Variants in HTRA1 observed in about 807,000 individuals in gnomAD.
The protein encoded by HTRA1 is serine protease HTRA1.
A neutral mutation model predicts 49.7 loss-of-function variants in HTRA1; 26 were observed. That is an observed-to-expected ratio of 0.52 (90% CI 0.38 to 0.73). The LOEUF is 0.73. HTRA1 is among the 30% of genes least tolerant of loss of function. The pLI is 0.00. For synonymous variants in HTRA1, 291 were observed against 286.9 expected, an observed-to-expected ratio of 1.01 and a Z score of -0.14; for missense variants, 561 against 667.2, an observed-to-expected ratio of 0.84 and a Z score of 1.75.
chr10:122,481,353 C>T (rs1490566554), intron 1 of HTRA1, among the ~76,000 whole-genome samples: 2 of 152,158 alleles, frequency 1.3e-5, no homozygotes, highest in Non-Finnish European at 2.9e-5. Flanking sequence ...TTTCCCTTAG[C>T]CTCTTCCCCC....
intron 3 of HTRA1, among the ~76,000 whole-genome samples, chr10:122,504,160 A>G (rs1222026570): frequency 6.6e-6 from 1 of 152,190 alleles, no homozygotes; most frequent in African/African-American, 2.4e-5. Flanking sequence ...AGCAGCCTGC[A>G]GCCTCCATCC....
Position 122,488,956 on chromosome 10 carries a change from TGGA to T in HTRA1, c.529_531del (p.Glu177del), listed in dbSNP as rs2097494420. 6.2e-7 allele frequency: 1 copy of T among 1,614,144 alleles called. No individual in the cohort carries two copies. Among genetic ancestry groups the T allele is most frequent in the Non-Finnish European group, 8.5e-7 (1 of 1,179,994 alleles). ...AAATATAACTTTATCGCGGACGTGGTGGAGAAGATCGCCCCTGCCGTGGTTCAT... is the reference window on the plus strand; with the variant it reads ...AAATATAACTTTATCGCGGACGTGGTGAAGATCGCCCCTGCCGTGGTTCAT... On this transcript the variant is annotated inframe_deletion, in exon 2 of 9. Coordinates refer to ENST00000368984, the MANE Select transcript of HTRA1 (RefSeq NM_002775.5).
At chr10:122,511,882 G>A in intron 7 of HTRA1, 88 bp from the exon 8 acceptor site, 1 of 909,974 alleles carries the variant, frequency 1.1e-6, no homozygotes, top group East Asian at 2.4e-5. Flanking sequence ...GACCTAAGGA[G>A]AAGACGGGAA....
chr10:122,491,531 G>A (rs562988723), intron 3 of HTRA1, among the ~76,000 whole-genome samples: 4 of 152,360 alleles, frequency 2.6e-5, no homozygotes, highest in African/African-American at 4.8e-5. Context: ...TGGCCTGGAC[G>A]CCGCCCCCAC....
chr10:122,506,950 C>T lies in HTRA1; in HGVS notation c.972+65C>T, dbSNP rs2097503315. 9 of 1,413,102 alleles carry T rather than the reference C, an allele frequency of 6.4e-6. No homozygotes were observed. The South Asian group carries it at 9.3e-5, about 15-fold the overall frequency. The allele number at this position is 1,413,102 out of a possible 1,614,324, so 87.5% of individuals were successfully genotyped here. On this transcript the variant is annotated intron_variant, in intron 4 of 8. Coordinates refer to ENST00000368984, the MANE Select transcript of HTRA1 (RefSeq NM_002775.5). The surrounding 1 kb of genome is among the most constrained non-coding windows in gnomAD (Gnocchi z 5.2). The stretch of plus-strand genomic sequence containing the variant: ...GTTTTGCCAGGGGGAGAGGAGTCAG[C>T]ATAGGTCTTAGCCCCTGACTTTGTT...
rs1469142315 is a variant in HTRA1, at chr10:122,514,181, TGTGTTGCA to T, written c.1275-6_1276del. ...GAAACATTGCCATTGTGTTTCCCTT[TGTGTTGCA>T]GTGGTGGTCTCAAGGAAAACGACGT... On this transcript the variant is annotated splice_acceptor_variant and splice_polypyrimidine_tract_variant and intron_variant, in intron 8 of 8. Transcript: ENST00000368984. LOFTEE classifies it high-confidence loss of function. 1 of 1,613,278 alleles carries T rather than the reference TGTGTTGCA, an allele frequency of 6.2e-7. No individual in the cohort carries two copies. Among genetic ancestry groups the T allele is most frequent in the African/African-American group, 1.3e-5 (1 of 74,882 alleles).
rs1256955654 is a variant in HTRA1, at chr10:122,487,698, C to A, written c.473-1204C>A. On this transcript the variant is annotated intron_variant, in intron 1 of 8. Coordinates refer to ENST00000368984, the MANE Select transcript of HTRA1 (RefSeq NM_002775.5). This position sits in a 1 kb window ranked among gnomAD's most constrained non-coding sequence, Gnocchi z 4.8. ...ATGTTACAGAGTGTGCCTACGCAAA[C>A]CTAGATGGCAGAGCCCACTCCACAC... Among the ~76,000 whole-genome samples, 2 of 152,104 alleles carry A rather than the reference C, an allele frequency of 1.3e-5. No individual in the cohort carries two copies. The highest frequency in any genetic ancestry group is 2.4e-5 in the African/African-American group (1 of 41,404).
intron 3 of HTRA1, among the ~76,000 whole-genome samples, chr10:122,496,228 C>G (rs2672604): frequency 1.3e-5 from 1 of 75,646 alleles, no homozygotes; most frequent in Admixed American, 2.3e-4. Flanking sequence ...ATTGTGGGTT[C>G]TTTTTTTTTT....
Position 122,513,635 on chromosome 10 carries a change from A to G in HTRA1, c.1275-556A>G, listed in dbSNP as rs2097506615. ...ACAATTGAGACCCCATCTCAAAAAA[A>G]AAAAAAAAAAAAAAAAAAGAGTGGG... On this transcript the variant is annotated intron_variant, in intron 8 of 8. Transcript: ENST00000368984. 2.0e-5 allele frequency among the ~76,000 whole-genome samples: 3 copies of G among 149,940 alleles called. No individual in the cohort carries two copies. The South Asian group carries it at 6.5e-4, about 33-fold the overall frequency.
chr10:122,474,429 C>G (rs1285988670), intron 1 of HTRA1, among the ~76,000 whole-genome samples: 1 of 152,190 alleles, frequency 6.6e-6, no homozygotes, highest in South Asian at 2.1e-4. Context: ...ACCATCACCT[C>G]CCTCCCTCAC....
intron 1 of HTRA1, among the ~76,000 whole-genome samples, chr10:122,471,798 G>A (rs149554752): frequency 0.02 from 2,983 of 152,312 alleles, 44 homozygotes; most frequent in South Asian, 0.036. Flanking sequence ...CCTCCTGTTG[G>A]AGCAGTTAGG....
chr10:122,511,601 C>T (rs1377991611), intron 7 of HTRA1, among the ~76,000 whole-genome samples: 1 of 151,868 alleles, frequency 6.6e-6, no homozygotes, highest in Non-Finnish European at 1.5e-5. Flanking sequence ...GGCTTGGTGG[C>T]AGGCACCTGT....
In HTRA1 at chr10:122,488,877, A is replaced by G. The variant is rs760637823; in HGVS notation, c.473-25A>G. ...TGGCCACAGCAGAGTGTCATTAAGT[A>G]TCTATTCTTTGCTTTTGTTCTCAGG... On this transcript the variant is annotated intron_variant, in intron 1 of 8. Transcript: ENST00000368984. The G allele has an allele frequency of 1.4e-5, 22 of 1,573,546 alleles. No homozygotes were observed. The South Asian group carries it at 1.9e-4, about 13-fold the overall frequency.
chr10:122,469,003 C>T lies in HTRA1; in HGVS notation c.472+6879C>T, dbSNP rs374569187. Among the ~76,000 whole-genome samples the T allele has an allele frequency of 9.2e-5, 14 of 152,280 alleles. No individual in the cohort carries two copies. In the East Asian group the frequency reaches 2.3e-3, roughly 25 times the overall value. Reference sequence around the variant, plus strand: ...ATAAAAACAATCCTCCGCAGCATCCCGTGACAGCAGCTGGTCCCTCGCCAC... The same window carrying T: ...ATAAAAACAATCCTCCGCAGCATCCTGTGACAGCAGCTGGTCCCTCGCCAC... On this transcript the variant is annotated intron_variant, in intron 1 of 8. Coordinates refer to ENST00000368984, the MANE Select transcript of HTRA1 (RefSeq NM_002775.5).
chr10:122,468,414 A>G (rs1010204914), intron 1 of HTRA1, among the ~76,000 whole-genome samples: 2 of 150,302 alleles, frequency 1.3e-5, no homozygotes, highest in African/African-American at 4.9e-5. Context: ...CATCATCATC[A>G]TCATCATCAT....
intron 1 of HTRA1, among the ~76,000 whole-genome samples, chr10:122,476,471 G>A (rs2133913730): frequency 6.6e-6 from 1 of 152,334 alleles, no homozygotes; most frequent in African/African-American, 2.4e-5. Context: ...TTGCCCTCAG[G>A]TGCCTGTGGC....
intron 5 of HTRA1, among the ~76,000 whole-genome samples, 168 bp downstream of exon 5, chr10:122,507,570 C>T (rs1038227089): frequency 3.9e-5 from 6 of 152,082 alleles, no homozygotes; most frequent in Admixed American, 2.6e-4. Context: ...AAATGTACTG[C>T]GTGCTTGCAA....
chr10:122,499,447 G>T (rs924448817), intron 3 of HTRA1, among the ~76,000 whole-genome samples: 1 of 152,240 alleles, frequency 6.6e-6, no homozygotes, highest in Non-Finnish European at 1.5e-5. Context: ...CAAGGAGCCT[G>T]CATTTTTATT....
chr10:122,471,610 T>C (rs2097486161), intron 1 of HTRA1, among the ~76,000 whole-genome samples: 3 of 151,988 alleles, frequency 2.0e-5, no homozygotes, highest in Non-Finnish European at 4.4e-5. Context: ...AACCTGAGGG[T>C]GAAGGGTCCT....
Sources: gnomAD v4.1 joint callset for allele counts (sites outside exome capture counted in the v4.1 genomes callset) on GRCh38, gnomAD v4.1.1 for gene constraint, Gnocchi (gnomAD v3.1) non-coding constraint, MANE v1.5 for transcripts, NCBI Gene and HGNC (gene_info 2026-07-23, HGNC 2026-07-21) for gene names.